The following DOCK3 variants were observed in gnomAD, a reference collection of about 807,000 sequenced individuals.
The protein encoded by DOCK3 is dedicator of cytokinesis 3.
A neutral mutation model predicts 265.6 loss-of-function variants in DOCK3; 60 were observed. The observed-to-expected ratio is 0.23, with a 90% confidence interval of 0.18 to 0.28. The LOEUF (loss-of-function observed/expected upper bound fraction) is 0.28, where lower values mean the gene tolerates loss of function less well. Ranked by LOEUF, DOCK3 falls within the 10% of genes least tolerant of loss-of-function variation. DOCK3 has a pLI of 1.00. For missense variants in DOCK3, 1,981 were observed against 2,594.3 expected (o/e 0.76, Z 5.14); for synonymous variants, 881 against 938.0 (o/e 0.94, Z 1.11).
chr3:51,141,318 T>C (rs1417623546), intron 9 of DOCK3, among the ~76,000 whole-genome samples: 1 of 141,426 alleles, frequency 7.1e-6, no homozygotes, highest in Non-Finnish European at 1.5e-5. Context: ...TTTTTGACAG[T>C]TCCTAAGGGG....
At chr3:51,324,974 A>G (rs1241722667) in intron 32 of DOCK3, among the ~76,000 whole-genome samples, 1 of 152,222 alleles carries the variant, frequency 6.6e-6, no homozygotes, top group Non-Finnish European at 1.5e-5. Flanking sequence ...CCTAGAAGAA[A>G]ACCTAGGCAA....
intron 32 of DOCK3, among the ~76,000 whole-genome samples, chr3:51,320,828 AG>A: frequency 6.6e-6 from 1 of 152,194 alleles, no homozygotes; most frequent in Non-Finnish European, 1.5e-5. Flanking sequence ...AGCCCCAGTC[AG>A]GGGCTTATAG....
At chr3:51,312,983 G>T in intron 31 of DOCK3, 81 bp downstream of exon 31, 1 of 1,321,614 alleles carries the variant, frequency 7.6e-7, no homozygotes, top group Non-Finnish European at 1.1e-6. Flanking sequence ...CATCTCCCAG[G>T]CTTTATGAAT....
At chr3:51,067,480 A>G (rs889564463) in intron 6 of DOCK3, among the ~76,000 whole-genome samples, 4 of 143,060 alleles carry the variant, frequency 2.8e-5, no homozygotes, top group Non-Finnish European at 6.0e-5. Context: ...AGGGGTATGT[A>G]TATGCATATC....
At chr3:51,174,196 T>C (rs1017983584) in intron 12 of DOCK3, among the ~76,000 whole-genome samples, 2 of 152,224 alleles carry the variant, frequency 1.3e-5, no homozygotes, top group Admixed American at 6.5e-5. Context: ...GGCTCACCCC[T>C]GTAATCCCAG....
chr3:51,019,130 A>G (rs1457605156), intron 5 of DOCK3, among the ~76,000 whole-genome samples: 1 of 151,854 alleles, frequency 6.6e-6, no homozygotes, highest in Admixed American at 6.6e-5. Flanking sequence ...CTTATGTTTA[A>G]TGTAGTCTAC....
At chr3:51,310,423 TA>T (rs1253514582) in intron 28 of DOCK3, 97 bp downstream of exon 28, 16 of 1,129,362 alleles carry the variant, frequency 1.4e-5, no homozygotes, top group Non-Finnish European at 2.1e-5. Flanking sequence ...GCAAGACAAA[TA>T]AAGGCCAGGG....
intron 7 of DOCK3, among the ~76,000 whole-genome samples, chr3:51,085,724 A>G (rs1269223187): frequency 1.3e-5 from 2 of 152,192 alleles, no homozygotes; most frequent in African/African-American, 2.4e-5. Context: ...AATTGGAAAG[A>G]TTTCAAATAA....
chr3:51,219,456 A>G (rs1023093694), intron 14 of DOCK3, among the ~76,000 whole-genome samples: 1 of 152,222 alleles, frequency 6.6e-6, no homozygotes, highest in Non-Finnish European at 1.5e-5. Context: ...AAGAAAAGCT[A>G]CCAGCCCATC....
At chr3:50,712,494 C>T (rs185571504) in intron 1 of DOCK3, among the ~76,000 whole-genome samples, 208 of 152,236 alleles carry the variant, frequency 1.4e-3, no homozygotes, top group African/African-American at 4.8e-3. Context: ...CCTTCCACCA[C>T]GCCTGGCTAA....
rs190203436 is a variant in DOCK3 at position 50,928,665 on chromosome 3, C to T, written c.219-5316C>T. Among the ~76,000 whole-genome samples the T allele has an allele frequency of 7.7e-3, 1,178 of 152,164 alleles. 12 individuals carry two copies. Among genetic ancestry groups the T allele is most frequent in the African/African-American group, 0.027 (1,115 of 41,512 alleles). On this transcript the variant is annotated intron_variant, in intron 4 of 52. Coordinates refer to ENST00000266037, the MANE Select transcript of DOCK3 (RefSeq NM_004947.5). ...GGTTTTGTTTCATACTTTTTCCTTT[C>T]TGAAATGGAAGTGATTCTTTTCATT...
At chr3:51,211,756 A>G (rs932677785) in intron 13 of DOCK3, among the ~76,000 whole-genome samples, 4 of 152,154 alleles carry the variant, frequency 2.6e-5, no homozygotes, top group African/African-American at 9.7e-5. Flanking sequence ...AATCCAATCT[A>G]TCATTGATGG....
intron 26 of DOCK3, 48 bp downstream of exon 26, chr3:51,277,802 G>T (rs1290279123): frequency 1.3e-6 from 2 of 1,574,560 alleles, no homozygotes; most frequent in Non-Finnish European, 1.7e-6. Flanking sequence ...CTAACCCGGG[G>T]CTTCTCCACA....
intron 22 of DOCK3, among the ~76,000 whole-genome samples, chr3:51,248,049 A>G (rs1233934137): frequency 2.0e-5 from 3 of 152,358 alleles, no homozygotes; most frequent in East Asian, 1.9e-4. Flanking sequence ...CATTCAGTCA[A>G]TGTTGCTTGA....
At chr3:50,696,726 G>C (rs1053921727) in intron 1 of DOCK3, among the ~76,000 whole-genome samples, 12 of 152,118 alleles carry the variant, frequency 7.9e-5, no homozygotes. Context: ...GATCTGTTAA[G>C]TGCTATGGGA....
chr3:51,312,421 C>T, intron 29 of DOCK3, 55 bp from the exon 30 acceptor site: 3 of 1,455,220 alleles, frequency 2.1e-6, no homozygotes, highest in Non-Finnish European at 2.9e-6. Flanking sequence ...TAGTAACGCT[C>T]CCTACAAGAT....
In DOCK3 at chr3:50,694,082, A is replaced by C. The variant is rs1366170478; in HGVS notation, c.37+18782A>C. 3.3e-5 allele frequency among the ~76,000 whole-genome samples: 5 copies of C among 151,414 alleles called. No homozygotes were observed. In the East Asian group the frequency reaches 9.9e-4, roughly 30 times the overall value. ...TCAGGAGTTTCAGACCAGCCTGGCC[A>C]ACATGGCAAAACCCTGTCTCTACTA... On this transcript the variant is annotated intron_variant, in intron 1 of 52. Coordinates refer to ENST00000266037, the MANE Select transcript of DOCK3 (RefSeq NM_004947.5).
intron 32 of DOCK3, among the ~76,000 whole-genome samples, chr3:51,324,039 A>T (rs1339578696): frequency 6.6e-6 from 1 of 152,106 alleles, no homozygotes; most frequent in African/African-American, 2.4e-5. Flanking sequence ...CTCTCTCACC[A>T]CTCCTATTCA....
chr3:51,010,199 T>C (rs2078886320), intron 5 of DOCK3, among the ~76,000 whole-genome samples: 1 of 152,172 alleles, frequency 6.6e-6, no homozygotes, highest in Non-Finnish European at 1.5e-5. Context: ...CGCTGATCTG[T>C]CCAATGTTGA....
Sources: allele counts gnomAD v4.1 joint callset (sites outside exome capture counted in the v4.1 genomes callset), GRCh38; gene constraint gnomAD v4.1.1; transcripts MANE v1.5; gene names NCBI Gene and HGNC (gene_info 2026-07-23, HGNC 2026-07-21).